Variants in CCDC7 observed in about 807,000 individuals in gnomAD.
The protein encoded by CCDC7 is coiled-coil domain containing 7.
Under a neutral mutation model 196.9 loss-of-function variants are expected in CCDC7, and 183 were observed. The observed-to-expected ratio is 0.93, with a 90% CI of 0.82 to 1.05. The LOEUF is 1.05. Ranked by LOEUF, CCDC7 falls within the 50% of genes least tolerant of loss-of-function variation. The probability of loss-of-function intolerance (pLI) is 0.00; values close to 1 mark genes in which losing one functional copy is unlikely to be tolerated. For synonymous variants in CCDC7, 525 were observed against 484.6 expected (o/e 1.08, Z -1.10); for missense variants, 1,540 against 1,482.2 (o/e 1.04, Z -0.64).
At chr10:32,692,569 C>T (rs2077209405) in intron 23 of CCDC7, among the ~76,000 whole-genome samples, 1 of 152,124 alleles carries the variant, frequency 6.6e-6, no homozygotes, top group African/African-American at 2.4e-5. Flanking sequence ...CCTGCAGGCT[C>T]ACTAGTACCT....
chr10:32,552,322 G>T (rs1043035075), intron 13 of CCDC7, among the ~76,000 whole-genome samples: 1 of 152,188 alleles, frequency 6.6e-6, no homozygotes, highest in Non-Finnish European at 1.5e-5. Flanking sequence ...GAAGGCATCA[G>T]ATAGTTGGTT....
intron 18 of CCDC7, among the ~76,000 whole-genome samples, chr10:32,605,516 A>T (rs909063961): frequency 1.1e-4 from 17 of 152,220 alleles, no homozygotes; most frequent in African/African-American, 3.4e-4. Flanking sequence ...GAAAATGCTG[A>T]TGGTGATATG....
intron 16 of CCDC7, among the ~76,000 whole-genome samples, chr10:32,572,447 G>T (rs934119709): frequency 6.6e-5 from 10 of 152,094 alleles, no homozygotes; most frequent in Non-Finnish European, 1.0e-4. Flanking sequence ...TTACCTAGAA[G>T]TATGCATTTA....
chr10:32,485,944 T>G (rs1312161011), intron 8 of CCDC7, among the ~76,000 whole-genome samples: 1 of 152,168 alleles, frequency 6.6e-6, no homozygotes, highest in South Asian at 2.1e-4. Context: ...GAATAAGTGC[T>G]GTGTGGTGCT....
chr10:32,582,139 T>TATATATATAC (rs1201465796), intron 16 of CCDC7, among the ~76,000 whole-genome samples: 2 of 131,024 alleles, frequency 1.5e-5, no homozygotes, highest in African/African-American at 2.8e-5. Flanking sequence ...TATATATATA[T>TATATATATAC]ACTTTTTTTT....
At chr10:32,600,556 T>C (rs1008407131) in intron 18 of CCDC7, among the ~76,000 whole-genome samples, 3 of 152,174 alleles carry the variant, frequency 2.0e-5, no homozygotes, top group African/African-American at 7.2e-5. Flanking sequence ...TTTATTTCTT[T>C]CCCTTGCTTG....
intron 20 of CCDC7, among the ~76,000 whole-genome samples, chr10:32,652,501 C>T (rs1456081901): frequency 6.6e-6 from 1 of 151,816 alleles, no homozygotes; most frequent in Admixed American, 6.6e-5. Context: ...TACTTTCTGT[C>T]TTCTTTTGTG....
At chr10:32,773,325 T>A (rs550705981) in intron 28 of CCDC7, among the ~76,000 whole-genome samples, 11 of 152,300 alleles carry the variant, frequency 7.2e-5, no homozygotes, top group African/African-American at 2.4e-4. Flanking sequence ...TTATTTGATG[T>A]TGTCTCGTAA....
intron 13 of CCDC7, among the ~76,000 whole-genome samples, chr10:32,547,337 A>G (rs1460611671): frequency 1.3e-5 from 2 of 152,116 alleles, no homozygotes; most frequent in East Asian, 3.8e-4. Flanking sequence ...AGCTCACAAG[A>G]GTCTCTCTTG....
intron 9 of CCDC7, among the ~76,000 whole-genome samples, chr10:32,508,572 G>T (rs565873042): frequency 6.6e-6 from 1 of 152,000 alleles, no homozygotes; most frequent in South Asian, 2.1e-4. Context: ...AAAAGGCCTT[G>T]AATAGCCAAA....
chr10:32,644,178 A>C (rs1235104408), intron 20 of CCDC7, among the ~76,000 whole-genome samples: 14 of 152,218 alleles, frequency 9.2e-5, no homozygotes, highest in Admixed American at 9.2e-4. Flanking sequence ...TATCGCTAGA[A>C]GAACTGGTCA....
intron 18 of CCDC7, among the ~76,000 whole-genome samples, chr10:32,628,519 T>G (rs1470847324): frequency 6.6e-6 from 1 of 151,986 alleles, no homozygotes; most frequent in Non-Finnish European, 1.5e-5. Flanking sequence ...TGCTCTAATC[T>G]TTATTATTTC....
At chr10:32,774,398 C>T (rs1429817177) in intron 28 of CCDC7, among the ~76,000 whole-genome samples, 6 of 152,032 alleles carry the variant, frequency 3.9e-5, no homozygotes, top group Non-Finnish European at 8.8e-5. Context: ...ATTCTATAAC[C>T]AGCTGGGAGA....
chr10:32,814,167 A>G (rs868461828), intron 30 of CCDC7, among the ~76,000 whole-genome samples: 34 of 152,252 alleles, frequency 2.2e-4, no homozygotes, highest in Middle Eastern at 3.4e-3. Flanking sequence ...CATGTTGGCC[A>G]GGATGGTCTC....
At chr10:32,635,802 A>G (rs942429141) in intron 20 of CCDC7, among the ~76,000 whole-genome samples, 12 of 151,642 alleles carry the variant, frequency 7.9e-5, no homozygotes, top group African/African-American at 2.9e-4. Context: ...CATGAAGCTC[A>G]TAGTTGTATA....
intron 28 of CCDC7, among the ~76,000 whole-genome samples, chr10:32,758,258 G>A (rs576673607): frequency 6.6e-6 from 1 of 152,288 alleles, no homozygotes; most frequent in Admixed American, 6.5e-5. Flanking sequence ...TATGAGGCCA[G>A]CAGCATACTG....
At chr10:32,751,569 G>A (rs181255599) in intron 28 of CCDC7, among the ~76,000 whole-genome samples, 38 of 152,204 alleles carry the variant, frequency 2.5e-4, no homozygotes, top group Middle Eastern at 3.4e-3. Context: ...ATATGAGATT[G>A]GTAGGCTATG....
chr10:32,598,446 A>T (rs1165239898), intron 18 of CCDC7, among the ~76,000 whole-genome samples: 1 of 152,060 alleles, frequency 6.6e-6, no homozygotes, highest in Non-Finnish European at 1.5e-5. Context: ...TGATCCCTTG[A>T]GCTTCCAGGG....
At chr10:32,797,728 G>A (rs2083907274) in intron 29 of CCDC7, among the ~76,000 whole-genome samples, 2 of 137,304 alleles carry the variant, frequency 1.5e-5, no homozygotes, top group Admixed American at 7.1e-5. Flanking sequence ...TGGGTCATTA[G>A]GGGTGATGGT....
Sources: allele counts gnomAD v4.1 joint callset (sites outside exome capture counted in the v4.1 genomes callset), GRCh38; gene constraint gnomAD v4.1.1; transcripts MANE v1.5; gene names NCBI Gene and HGNC (gene_info 2026-07-23, HGNC 2026-07-21).